The following MTCL1 variants were observed in gnomAD, a reference collection of about 807,000 sequenced individuals.
The protein encoded by MTCL1 is microtubule crosslinking factor 1, also known as microtubule cross-linking factor 1.
Under a neutral mutation model 141.4 loss-of-function variants are expected in MTCL1, and 79 were observed. The observed-to-expected ratio is 0.56, with a 90% CI of 0.47 to 0.67. The LOEUF is 0.67. Ranked by LOEUF, MTCL1 falls within the 30% of genes least tolerant of loss-of-function variation. MTCL1 has a pLI of 0.00. For synonymous variants in MTCL1, 914 were observed against 875.8 expected, an observed-to-expected ratio of 1.04 and a Z score of -0.77; for missense variants, 2,177 against 2,113.9, an observed-to-expected ratio of 1.03 and a Z score of -0.59.
intron 10 of MTCL1, among the ~76,000 whole-genome samples, chr18:8,800,256 G>A (rs980376966): frequency 2.6e-5 from 4 of 152,188 alleles, no homozygotes; most frequent in African/African-American, 7.2e-5. Flanking sequence ...GAGCCGGGCC[G>A]TTCCCGAAAC....
chr18:8,763,860 C>T (rs1191645474), intron 4 of MTCL1, among the ~76,000 whole-genome samples: 1 of 152,210 alleles, frequency 6.6e-6, no homozygotes, highest in Non-Finnish European at 1.5e-5. Flanking sequence ...ATCTGACCCA[C>T]TTACCTCCCT....
In MTCL1 at chr18:8,705,717, G is replaced by T; in HGVS notation, c.57G>T (p.Pro19=). ...GTGCCCCGGACGCGAAGCTGCAGCC[G>T]CCCGGCCAGCACCACCGCCACCACC... is the stretch of plus-strand genomic sequence containing the variant. Residue 19 remains proline, a synonymous_variant, in exon 1 of 14, where the codon CCG becomes CCT. Coordinates refer to the MTCL1 transcript ENST00000306329. The surrounding 1 kb of genome is among the most constrained non-coding windows in gnomAD (Gnocchi z 5.2). 3 of 1,204,072 alleles carry T rather than the reference G, an allele frequency of 2.5e-6. No homozygotes were observed. Among genetic ancestry groups the T allele is most frequent in the Non-Finnish European group, 3.1e-6 (3 of 969,802 alleles). The allele number at this position is 1,204,072 out of a possible 1,614,324, so 74.6% of individuals were successfully genotyped here.
chr18:8,784,531 G>T, exon 6 of MTCL1: 1 of 1,604,926 alleles, frequency 6.2e-7, no homozygotes, highest in Non-Finnish European at 8.5e-7. Context: ...GCCTCATCAC[G>T]GACACCGACA....
intron 4 of MTCL1, among the ~76,000 whole-genome samples, chr18:8,732,057 C>T (rs2096253256): frequency 6.6e-6 from 1 of 152,134 alleles, no homozygotes; most frequent in Non-Finnish European, 1.5e-5. Flanking sequence ...TTATATGCTA[C>T]AAGTCATGTT....
chr18:8,784,711 G>A (rs1256393012), exon 6 of MTCL1: 3 of 1,614,228 alleles, frequency 1.9e-6, no homozygotes, highest in Non-Finnish European at 2.5e-6. Flanking sequence ...TGGAGCAGGT[G>A]AACCGCATTG....
exon 7 of MTCL1, chr18:8,785,944 G>A: frequency 1.9e-6 from 3 of 1,601,604 alleles, no homozygotes; most frequent in Non-Finnish European, 2.6e-6. Flanking sequence ...AGTCCAGACT[G>A]AAAGAGCAGC....
intron 4 of MTCL1, among the ~76,000 whole-genome samples, chr18:8,767,838 T>C (rs775869720): frequency 1.3e-5 from 2 of 152,226 alleles, no homozygotes; most frequent in Non-Finnish European, 2.9e-5. Flanking sequence ...TCCATAATTC[T>C]ATTCCCCATT....
At chr18:8,776,860 C>CA (rs1380246396) in intron 4 of MTCL1, among the ~76,000 whole-genome samples, 1 of 152,086 alleles carries the variant, frequency 6.6e-6, no homozygotes, top group Non-Finnish European at 1.5e-5. Flanking sequence ...CTCCTGGACT[C>CA]AAACAATCTT....
intron 5 of MTCL1, among the ~76,000 whole-genome samples, chr18:8,778,547 C>T (rs2096521051): frequency 2.6e-5 from 4 of 152,170 alleles, no homozygotes; most frequent in South Asian, 2.1e-4. Context: ...TAACTAAGAG[C>T]TCAGCAACCT....
chr18:8,802,824 T>G (rs2076166646), intron 10 of MTCL1, among the ~76,000 whole-genome samples: 1 of 152,120 alleles, frequency 6.6e-6, no homozygotes, highest in Admixed American at 6.5e-5. Context: ...AAAAGCCAGA[T>G]TTTTGAGTTG....
Position 8,809,511 on chromosome 18 carries a change from G to T in MTCL1, c.2604+2451G>T, listed in dbSNP as rs1337560130. On this transcript the variant is annotated intron_variant, in intron 11 of 16. Transcript: ENST00000359865. ...GACTTTAGGCTTCACCAGGCTGCCA[G>T]CTGGGTCCACGGTAAAAACGTTGAA... 2.0e-6 allele frequency: 3 copies of T among 1,536,092 alleles called. No homozygotes were observed. In the African/African-American group the frequency reaches 4.1e-5, roughly 21 times the overall value.
At chr18:8,795,458 ATATTT>A (rs772022081) in intron 8 of MTCL1, among the ~76,000 whole-genome samples, 1 of 152,224 alleles carries the variant, frequency 6.6e-6, no homozygotes, top group South Asian at 2.1e-4. Context: ...GTGCAAAGTG[ATATTT>A]TATTCACGCT....
intron 7 of MTCL1, among the ~76,000 whole-genome samples, chr18:8,789,001 G>C (rs17403983): frequency 0.034 from 5,143 of 152,272 alleles, 132 homozygotes; most frequent in Middle Eastern, 0.078. Flanking sequence ...GTGTAGAATG[G>C]TTTGGAATGT....
upstream of MTCL1, among the ~76,000 whole-genome samples, chr18:8,714,950 C>G (rs1394223636): frequency 6.6e-6 from 1 of 152,132 alleles, no homozygotes; most frequent in African/African-American, 2.4e-5. Context: ...GTGCCCGCCA[C>G]CACGCCTGGC....
intron 12 of MTCL1, among the ~76,000 whole-genome samples, chr18:8,813,514 G>A (rs576209887): frequency 1.3e-5 from 2 of 152,288 alleles, no homozygotes; most frequent in South Asian, 4.1e-4. Flanking sequence ...GGAGCGGGGG[G>A]ATAACTTTTT....
rs918839679 is a variant in MTCL1 at position 8,810,834 on chromosome 18, G to A, written c.2605-2145G>A. On this transcript the variant is annotated intron_variant, in intron 11 of 16. Coordinates refer to ENST00000359865, the Ensembl canonical transcript of MTCL1. This position sits in a 1 kb window ranked among gnomAD's most constrained non-coding sequence, Gnocchi z 5.0. Reference sequence around the variant, plus strand: ...TCAAGAAGCGTCACCACTGACCTGTGCCCGTGGCTGTCATCTGCTTCCTCA... The same window carrying A: ...TCAAGAAGCGTCACCACTGACCTGTACCCGTGGCTGTCATCTGCTTCCTCA... Among the ~76,000 whole-genome samples, 1 of 152,104 alleles carries A rather than the reference G, an allele frequency of 6.6e-6. No homozygotes were observed. The highest frequency in any genetic ancestry group is 1.5e-5 in the Non-Finnish European group (1 of 68,024).
intron 10 of MTCL1, among the ~76,000 whole-genome samples, chr18:8,805,761 C>A (rs582312): frequency 0.38 from 57,961 of 151,934 alleles, 12,275 homozygotes; most frequent in East Asian, 0.57. Context: ...TTGCTTCATA[C>A]ATGCACCAAA....
intron 8 of MTCL1, among the ~76,000 whole-genome samples, chr18:8,794,821 A>C (rs2075858986): frequency 1.3e-5 from 2 of 152,130 alleles, no homozygotes; most frequent in South Asian, 2.1e-4. Flanking sequence ...CCTTCTTTTT[A>C]ATTACTGATC....
In MTCL1 at chr18:8,828,246, C is replaced by T. The variant is rs1288527259; in HGVS notation, c.4723-662C>T. 6.6e-6 allele frequency among the ~76,000 whole-genome samples: 1 copy of T among 152,206 alleles called. No homozygotes were observed. Among genetic ancestry groups the T allele is most frequent in the Non-Finnish European group, 1.5e-5 (1 of 68,024 alleles). On this transcript the variant is annotated intron_variant, in intron 15 of 16. Coordinates refer to ENST00000359865, the Ensembl canonical transcript of MTCL1. The surrounding 1 kb of genome is among the most constrained non-coding windows in gnomAD (Gnocchi z 5.2). ...CGGAATCTTTCCCCGAATGTTCACTCAGGCATCCACACCCAGGAGTGATGC... is the reference window on the plus strand; with the variant it reads ...CGGAATCTTTCCCCGAATGTTCACTTAGGCATCCACACCCAGGAGTGATGC...
Sources: allele counts gnomAD v4.1 joint callset (sites outside exome capture counted in the v4.1 genomes callset), GRCh38; gene constraint gnomAD v4.1.1; non-coding constraint Gnocchi (gnomAD v3.1); transcripts MANE v1.5; gene names NCBI Gene and HGNC (gene_info 2026-07-23, HGNC 2026-07-21).